SRRM4: variants seen among roughly 807,000 people sequenced by gnomAD.
SRRM4 encodes the protein serine/arginine repetitive matrix protein 4.
SRRM4 carries 33 observed loss-of-function variants against 68.9 expected under a neutral mutation model. That is an observed-to-expected ratio of 0.48 (90% CI 0.36 to 0.64). The LOEUF (loss-of-function observed/expected upper bound fraction) is 0.64, where lower values mean the gene tolerates loss of function less well. Ranked by LOEUF, SRRM4 falls within the 30% of genes least tolerant of loss-of-function variation. The probability of loss-of-function intolerance (pLI) is 0.00; values close to 1 mark genes in which losing one functional copy is unlikely to be tolerated. For missense variants in SRRM4, 817 were observed against 827.1 expected (o/e 0.99, Z 0.15); for synonymous variants, 318 against 318.8 (o/e 1.00, Z 0.03).
At chr12:119,008,006 G>A (rs1731322512) in intron 1 of SRRM4, among the ~76,000 whole-genome samples, 1 of 152,180 alleles carries the variant, frequency 6.6e-6, no homozygotes, top group South Asian at 2.1e-4. Context: ...GGCCATTAAG[G>A]GGATTTGTTA....
chr12:118,986,258 T>C (rs1435931201), intron 1 of SRRM4, among the ~76,000 whole-genome samples: 1 of 152,152 alleles, frequency 6.6e-6, no homozygotes, highest in Non-Finnish European at 1.5e-5. Context: ...TAAGAGCCAA[T>C]GCGCTGAGGG....
chr12:119,004,057 G>C (rs1201962427), intron 1 of SRRM4, among the ~76,000 whole-genome samples: 2 of 151,912 alleles, frequency 1.3e-5, no homozygotes, highest in East Asian at 4.0e-4. Context: ...GTTTTTCTCA[G>C]CTTCTAAAAA....
Position 119,102,377 on chromosome 12 carries a change from A to G in SRRM4, c.273A>G (p.Gly91=), listed in dbSNP as rs1210896061. ...KTCRELGATR[G]HSASHDKDLT... is the part of the protein sequence containing the mutation. Reference sequence around the variant, plus strand: ...GTCGGGAACTGGGTGCCACCAGAGGACACAGGTGAGATCCAATGAGGACGT... The same window carrying G: ...GTCGGGAACTGGGTGCCACCAGAGGGCACAGGTGAGATCCAATGAGGACGT... Residue 91 remains glycine, a synonymous_variant, in exon 2 of 13, where the codon GGA becomes GGG. Transcript: ENST00000267260. 3 of 1,611,152 alleles carry G rather than the reference A, an allele frequency of 1.9e-6. No individual in the cohort carries two copies. Among genetic ancestry groups the G allele is most frequent in the Non-Finnish European group, 2.5e-6 (3 of 1,178,634 alleles).
intron 4 of SRRM4, 61 bp from the exon 5 acceptor site, chr12:119,120,189 C>A (rs1468485624): frequency 1.3e-5 from 17 of 1,260,920 alleles, no homozygotes; most frequent in African/African-American, 3.0e-5. Context: ...CTCTCCCTCT[C>A]TTTCTCTGCC....
intron 9 of SRRM4, among the ~76,000 whole-genome samples, chr12:119,148,882 G>T (rs1592917374): frequency 6.6e-6 from 1 of 152,188 alleles, no homozygotes; most frequent in Non-Finnish European, 1.5e-5. Flanking sequence ...AATATGGGCT[G>T]AGTGGAAGAG....
At chr12:119,102,902 A>G (rs1954085485) in intron 2 of SRRM4, among the ~76,000 whole-genome samples, 1 of 152,210 alleles carries the variant, frequency 6.6e-6, no homozygotes. Context: ...TGCAGAGAGC[A>G]CTGTATACAC....
chr12:119,102,279 C>T lies in SRRM4; in HGVS notation c.175C>T (p.Pro59Ser), dbSNP rs1954082206. 1 of 1,613,686 alleles carries T rather than the reference C, an allele frequency of 6.2e-7. No individual in the cohort carries two copies. Among genetic ancestry groups the T allele is most frequent in the Non-Finnish European group, 8.5e-7 (1 of 1,179,824 alleles). Residue 59 changes from proline to serine, a missense_variant, in exon 2 of 13, where the codon CCC becomes TCC. Coordinates refer to ENST00000267260, the MANE Select transcript of SRRM4 (RefSeq NM_194286.4). ...NNPVVPAQDG[P>S]SEKLGQHLAT... ...CCCCGTTGTCCCAGCTCAGGATGGA[C>T]CCTCAGAAAAGCTGGGTCAGCATCT...
intron 1 of SRRM4, among the ~76,000 whole-genome samples, chr12:119,052,422 G>C (rs1013141813): frequency 4.6e-5 from 7 of 152,168 alleles, no homozygotes; most frequent in African/African-American, 1.7e-4. Flanking sequence ...TGTATAAAAT[G>C]TAAACTTTCT....
rs1247517520 is a variant in SRRM4, at chr12:119,153,612, C to G, written c.1354C>G (p.Arg452Gly). ...RSPPSRSSRSRRSPSYSRYSP... is the reference protein window; with the variant it reads ...RSPPSRSSRSGRSPSYSRYSP... ...CCCGCCCAGCAGAAGCTCTAGGTCCCGCCGCAGCCCTAGCTACTCCCGCTA... is the reference window on the plus strand; with the variant it reads ...CCCGCCCAGCAGAAGCTCTAGGTCCGGCCGCAGCCCTAGCTACTCCCGCTA... Residue 452 changes from arginine (R) to glycine (G), a missense_variant, in exon 11 of 13, where the codon CGC becomes GGC. Arg to Gly is a moderately radical substitution (Grantham distance 125). Coordinates refer to ENST00000267260, the MANE Select transcript of SRRM4 (RefSeq NM_194286.4). The G allele has an allele frequency of 6.4e-7, 1 of 1,567,742 alleles. No individual in the cohort carries two copies. Among genetic ancestry groups the G allele is most frequent in the Non-Finnish European group, 8.6e-7 (1 of 1,157,550 alleles).
intron 1 of SRRM4, among the ~76,000 whole-genome samples, chr12:118,987,524 C>T (rs111873821): frequency 3.5e-4 from 53 of 152,300 alleles, no homozygotes; most frequent in African/African-American, 1.2e-3. Context: ...CAGGGGCACA[C>T]TAATCAAAGG....
intron 1 of SRRM4, among the ~76,000 whole-genome samples, chr12:119,048,191 C>T (rs764746037): frequency 2.6e-5 from 4 of 152,286 alleles, no homozygotes; most frequent in Non-Finnish European, 5.9e-5. Context: ...GACACTGGAT[C>T]TCAGGGTGAT....
intron 1 of SRRM4, among the ~76,000 whole-genome samples, chr12:119,101,044 G>C (rs1954075188): frequency 6.6e-6 from 1 of 152,172 alleles, no homozygotes; most frequent in South Asian, 2.1e-4. Flanking sequence ...GGCTTGACTT[G>C]CTCTCTTAGA....
intron 1 of SRRM4, among the ~76,000 whole-genome samples, chr12:118,983,327 A>C (rs1161907236): frequency 6.6e-6 from 1 of 152,214 alleles, no homozygotes; most frequent in Non-Finnish European, 1.5e-5. Flanking sequence ...AGGGTGTAGC[A>C]GGCTTCAAGC....
intron 1 of SRRM4, chr12:119,069,734 G>C (rs1420841774): frequency 6.6e-6 from 1 of 152,162 alleles, no homozygotes; most frequent in African/African-American, 2.4e-5. Context: ...GTTTCATGGA[G>C]GCCACCTTAT....
intron 4 of SRRM4, among the ~76,000 whole-genome samples, chr12:119,117,324 T>C (rs527760731): frequency 1.3e-5 from 2 of 152,294 alleles, no homozygotes; most frequent in East Asian, 1.9e-4. Context: ...AAGTGCCCGC[T>C]GTCTCCTGGT....
chr12:119,130,172 G>C (rs1954286639), intron 7 of SRRM4, among the ~76,000 whole-genome samples: 2 of 151,120 alleles, frequency 1.3e-5, no homozygotes, highest in Admixed American at 1.3e-4. Context: ...TGAATGAATG[G>C]TTGGATGGGT....
At chr12:119,045,436 C>T (rs995234042) in intron 1 of SRRM4, among the ~76,000 whole-genome samples, 2 of 151,960 alleles carry the variant, frequency 1.3e-5, no homozygotes, top group Non-Finnish European at 2.9e-5. Context: ...ACTCCCAGGG[C>T]TTTGTCTCTG....
At chr12:119,003,745 G>T (rs1322540661) in intron 1 of SRRM4, among the ~76,000 whole-genome samples, 1 of 152,024 alleles carries the variant, frequency 6.6e-6, no homozygotes, top group African/African-American at 2.4e-5. Flanking sequence ...TCCTTTCCAT[G>T]TATCTCCTCC....
In SRRM4 at chr12:119,160,980, T is replaced by C. The variant is rs1171448372; in HGVS notation, c.*4182T>C. ...GACAGCTGATCTTTCAGAAGCAGAATAAAATTAAGATGTTAGAACAAAGGT... is the reference window on the plus strand; with the variant it reads ...GACAGCTGATCTTTCAGAAGCAGAACAAAATTAAGATGTTAGAACAAAGGT... On this transcript the variant is annotated 3_prime_UTR_variant, in exon 13 of 13. Transcript: ENST00000267260. 1 of 152,170 alleles carries C rather than the reference T, an allele frequency of 6.6e-6. No homozygotes were observed. The highest frequency in any genetic ancestry group is 1.5e-5 in the Non-Finnish European group (1 of 68,040). The allele number at this position is 152,170 out of a possible 1,614,324, so 9.4% of individuals were successfully genotyped here. A position where few individuals can be genotyped will look rare whatever the true frequency, so the allele number is the denominator to read the frequency against.
Sources: allele counts gnomAD v4.1 joint callset (sites outside exome capture counted in the v4.1 genomes callset), GRCh38; gene constraint gnomAD v4.1.1; transcripts MANE v1.5; gene names NCBI Gene and HGNC (gene_info 2026-07-23, HGNC 2026-07-21).